The following GREB1 variants were observed in gnomAD, a reference collection of about 807,000 sequenced individuals.
GREB1 encodes growth regulating estrogen receptor binding 1, also known as protein GREB1.
Under a neutral mutation model 200.7 loss-of-function variants are expected in GREB1, and 106 were observed. That is an observed-to-expected ratio of 0.53 (90% CI 0.45 to 0.62). GREB1 has a LOEUF of 0.62. Ranked by LOEUF, GREB1 falls within the 20% of genes least tolerant of loss-of-function variation. The pLI is 0.00. For missense variants in GREB1, 2,243 were observed against 2,556.8 expected, an observed-to-expected ratio of 0.88 and a Z score of 2.65; for synonymous variants, 1,132 against 1,092.4, an observed-to-expected ratio of 1.04 and a Z score of -0.72.
intron 1 of GREB1, among the ~76,000 whole-genome samples, chr2:11,537,254 G>A (rs867877480): frequency 1.2e-4 from 19 of 152,278 alleles, no homozygotes; most frequent in Middle Eastern, 3.4e-3. Context: ...GTGAGCCACC[G>A]CGCCGGCCGA....
rs555702531 is a variant in GREB1 at position 11,631,015 on chromosome 2, C to T, written c.4612-894C>T. On this transcript the variant is annotated intron_variant, in intron 26 of 32. Coordinates refer to ENST00000381486, the MANE Select transcript of GREB1 (RefSeq NM_014668.4). ...ATTTGTAATGTACCCAAGAGGACTTCATTGTTAGGTACCTCCTACCCCACG... is the reference window on the plus strand; with the variant it reads ...ATTTGTAATGTACCCAAGAGGACTTTATTGTTAGGTACCTCCTACCCCACG... 3.3e-5 allele frequency among the ~76,000 whole-genome samples: 5 copies of T among 152,326 alleles called. No homozygotes were observed. In the South Asian group the frequency reaches 1.0e-3, roughly 32 times the overall value.
chr2:11,602,315 C>T (rs1211280776), intron 16 of GREB1, 91 bp from the exon 17 acceptor site: 2 of 1,174,452 alleles, frequency 1.7e-6, no homozygotes, highest in Non-Finnish European at 2.5e-6. Flanking sequence ...ATGAAGTTGC[C>T]AACCCAGGTC....
At chr2:11,598,622 G>C (rs1390925003) in intron 14 of GREB1, 58 bp from the exon 15 acceptor site, 1 of 1,496,126 alleles carries the variant, frequency 6.7e-7, no homozygotes, top group East Asian at 2.3e-5. Context: ...TGTCTGTTGA[G>C]TGAATGAAAC....
chr2:11,504,120 T>C (rs533458294), intron 1 of GREB1, among the ~76,000 whole-genome samples: 2 of 152,184 alleles, frequency 1.3e-5, no homozygotes, highest in Non-Finnish European at 2.9e-5. Flanking sequence ...ACCCTTCTTC[T>C]TGTGATCTGC....
chr2:11,494,832 G>T (rs893058300), intron 1 of GREB1, among the ~76,000 whole-genome samples: 2 of 152,156 alleles, frequency 1.3e-5, no homozygotes, highest in Non-Finnish European at 2.9e-5. Context: ...AGTTTACACC[G>T]CAGGTGCTTA....
chr2:11,593,261 AG>A (rs1680915728), intron 11 of GREB1, 135 bp downstream of exon 11: 1 of 603,846 alleles, frequency 1.7e-6, no homozygotes, highest in South Asian at 2.1e-5. Context: ...GTTTGTGCTC[AG>A]TAGCTGGCTT....
rs540780401 is a variant in GREB1, at chr2:11,556,777, A to G, written c.157+6A>G. On this transcript the variant is annotated splice_donor_region_variant and intron_variant, in intron 2 of 32. Transcript: ENST00000381486. ...GCAGCTTGCCGCTCTAGAAGGTGGG[A>G]GACGCACGTTGCTTTTATCTGTGTA... 2.5e-6 allele frequency: 4 copies of G among 1,612,680 alleles called. No individual in the cohort carries two copies. Among genetic ancestry groups the G allele is most frequent in the Non-Finnish European group, 3.4e-6 (4 of 1,179,246 alleles).
intron 1 of GREB1, among the ~76,000 whole-genome samples, chr2:11,496,490 A>G (rs1672891516): frequency 6.6e-6 from 1 of 152,184 alleles, no homozygotes; most frequent in Non-Finnish European, 1.5e-5. Context: ...AATGGCAAGC[A>G]GCAGCGACTT....
intron 2 of GREB1, among the ~76,000 whole-genome samples, chr2:11,557,176 CTCTCAGAAACTTTTAAAAACCA>C (rs1676508730): frequency 1.3e-5 from 2 of 151,604 alleles, no homozygotes; most frequent in African/African-American, 4.9e-5. Flanking sequence ...GGTATGAGAA[CTCTCAGAAACTTTTAAAAACCA>C]AAAGCAAACA....
chr2:11,508,422 G>A (rs1012322160), intron 1 of GREB1, among the ~76,000 whole-genome samples: 4 of 152,214 alleles, frequency 2.6e-5, no homozygotes, highest in African/African-American at 9.6e-5. Flanking sequence ...AGCGCCCTGC[G>A]TGGGTCTTCA....
chr2:11,611,095 A>G (rs1344046145), intron 18 of GREB1, 68 bp downstream of exon 18: 8 of 1,325,544 alleles, frequency 6.0e-6, no homozygotes, highest in Non-Finnish European at 8.2e-6. Flanking sequence ...GGCCCACCAG[A>G]GGCAGGGAGT....
chr2:11,510,490 G>T (rs1372903647), intron 1 of GREB1, among the ~76,000 whole-genome samples: 2 of 152,028 alleles, frequency 1.3e-5, no homozygotes, highest in East Asian at 3.8e-4. Flanking sequence ...ATATTTGCTG[G>T]AATTCTTTTA....
chr2:11,599,820 G>A (rs1193970000), intron 15 of GREB1, among the ~76,000 whole-genome samples: 1 of 152,196 alleles, frequency 6.6e-6, no homozygotes, highest in South Asian at 2.1e-4. Flanking sequence ...GCACCCGGCT[G>A]ATGCCTGCCC....
rs1056259236 is a variant in GREB1 at position 11,640,611 on chromosome 2, G to T, written c.*157G>T. ...CTAGTACACATGGGCCCCCGAGGCCGTGGTCCTGGGAGCCAGGAAGACTCC... is the reference window on the plus strand; with the variant it reads ...CTAGTACACATGGGCCCCCGAGGCCTTGGTCCTGGGAGCCAGGAAGACTCC... On this transcript the variant is annotated 3_prime_UTR_variant, in exon 33 of 33. Transcript: ENST00000381486. This position sits in a 1 kb window ranked among gnomAD's most constrained non-coding sequence, Gnocchi z 4.6. The T allele has an allele frequency of 3.8e-6, 3 of 780,554 alleles. No individual in the cohort carries two copies. In the African/African-American group the frequency reaches 5.2e-5, roughly 14 times the overall value. 48.4% of individuals were successfully genotyped at this position (780,554 alleles called of 1,614,324 possible).
In GREB1 at chr2:11,618,865, G is replaced by GGGCCGC. The variant is rs1293541979; in HGVS notation, c.3992_3997dup (p.Gly1331_Arg1332dup). 2 of 1,582,702 alleles carry GGGCCGC rather than the reference G, an allele frequency of 1.3e-6. No homozygotes were observed. Among genetic ancestry groups the GGGCCGC allele is most frequent in the African/African-American group, 2.7e-5 (2 of 74,672 alleles). ...ACATGGACTACGGCAACCGGGCCGAGGGCCGCGTGGACGGCTTCCACCCCC... is the reference window on the plus strand; with the variant it reads ...ACATGGACTACGGCAACCGGGCCGAGGGCCGCGGCCGCGTGGACGGCTTCCACCCCC... On this transcript the variant is annotated inframe_insertion, in exon 22 of 33. Transcript: ENST00000381486.
intron 1 of GREB1, among the ~76,000 whole-genome samples, chr2:11,555,906 T>G (rs1329208428): frequency 6.6e-6 from 1 of 152,158 alleles, no homozygotes; most frequent in African/African-American, 2.4e-5. Flanking sequence ...AGAAAAAAAG[T>G]CACAGTGGTT....
At chr2:11,504,408 T>A (rs1673125189) in intron 1 of GREB1, among the ~76,000 whole-genome samples, 1 of 152,224 alleles carries the variant, frequency 6.6e-6, no homozygotes, top group Middle Eastern at 3.2e-3. Flanking sequence ...AGAGATATAA[T>A]TCACATAACA....
At chr2:11,484,884 C>G (rs553217962) in intron 1 of GREB1, among the ~76,000 whole-genome samples, 80 of 152,362 alleles carry the variant, frequency 5.3e-4, no homozygotes, top group Non-Finnish European at 9.7e-4. Context: ...CTCGCTCTTT[C>G]GCCCAGGCTG....
chr2:11,531,333 C>T (rs73917247), upstream of GREB1, among the ~76,000 whole-genome samples: 1 of 152,104 alleles, frequency 6.6e-6, no homozygotes, highest in Non-Finnish European at 1.5e-5. Context: ...TAGGCAGAGC[C>T]AGGTTGGTGC....
Sources: gnomAD v4.1 joint callset for allele counts (sites outside exome capture counted in the v4.1 genomes callset) on GRCh38, gnomAD v4.1.1 for gene constraint, Gnocchi (gnomAD v3.1) non-coding constraint, MANE v1.5 for transcripts, NCBI Gene and HGNC (gene_info 2026-07-23, HGNC 2026-07-21) for gene names.